The following SREBF2 variants were observed in gnomAD, a reference collection of about 807,000 sequenced individuals.
The protein encoded by SREBF2 is sterol regulatory element binding transcription factor 2, also known as sterol regulatory element-binding protein 2.
A neutral mutation model predicts 113.1 loss-of-function variants in SREBF2; 55 were observed. The observed-to-expected ratio is 0.49, with a 90% CI of 0.39 to 0.61. The LOEUF (loss-of-function observed/expected upper bound fraction) is 0.61. SREBF2 is among the 20% of genes least tolerant of loss of function. SREBF2 has a pLI of 0.00. For missense variants in SREBF2, 1,349 were observed against 1,487.4 expected, an observed-to-expected ratio of 0.91 and a Z score of 1.53; for synonymous variants, 593 against 605.7, an observed-to-expected ratio of 0.98 and a Z score of 0.31.
chr22:41,858,003 G>A (rs1275812467), intron 1 of SREBF2, among the ~76,000 whole-genome samples: 2 of 152,016 alleles, frequency 1.3e-5, no homozygotes, highest in Admixed American at 1.3e-4. Context: ...ATGGAGAAAT[G>A]GTTATCTCAT....
rs541480401 is a variant in SREBF2, at chr22:41,893,777, G to T, written c.2377+492G>T. ...GACGAGGCTTCAGGCATTGGAAGGA[G>T]GTGCTGGCTTTCTGTCCCTGGCATT... On this transcript the variant is annotated intron_variant, in intron 12 of 18. Coordinates refer to ENST00000361204, the MANE Select transcript of SREBF2 (RefSeq NM_004599.4). Among the ~76,000 whole-genome samples the T allele has an allele frequency of 2.6e-5, 4 of 152,294 alleles. No individual in the cohort carries two copies. In the East Asian group the frequency reaches 7.7e-4, roughly 29 times the overall value.
intron 1 of SREBF2, among the ~76,000 whole-genome samples, chr22:41,839,896 G>A (rs984924504): frequency 1.2e-4 from 17 of 145,716 alleles, no homozygotes; most frequent in Non-Finnish European, 1.7e-4. Context: ...TACATTTTTT[G>A]TTGTTTATGT....
chr22:41,890,445 G>A lies in SREBF2; in HGVS notation c.2209-2672G>A, dbSNP rs182071160. Reference sequence around the variant, plus strand: ...TGCTGTGGCACCTCAGACTGCCTTGGCACACGATTTGAGAGCCATGGGGTT... The same window carrying A: ...TGCTGTGGCACCTCAGACTGCCTTGACACACGATTTGAGAGCCATGGGGTT... On this transcript the variant is annotated intron_variant, in intron 11 of 18. Coordinates refer to ENST00000361204, the MANE Select transcript of SREBF2 (RefSeq NM_004599.4). Among the ~76,000 whole-genome samples, 347 of 152,310 alleles carry A rather than the reference G, an allele frequency of 2.3e-3. 1 individual carries two copies. The highest frequency in any genetic ancestry group is 7.8e-3 in the African/African-American group (324 of 41,566).
chr22:41,904,633 C>T, intron 17 of SREBF2: 1 of 695,432 alleles, frequency 1.4e-6, no homozygotes, highest in Non-Finnish European at 2.7e-6. Context: ...AAAAGCAGGC[C>T]TTTTGCCTCT....
At chr22:41,852,851 G>A (rs985282842) in intron 1 of SREBF2, among the ~76,000 whole-genome samples, 2 of 147,476 alleles carry the variant, frequency 1.4e-5, no homozygotes, top group South Asian at 2.1e-4. Flanking sequence ...CACCTCCTGG[G>A]TTCAGGTGAT....
rs530009066 is a variant in SREBF2 at position 41,874,992 on chromosome 22, C to A, written c.1090-345C>A. 1.4e-4 allele frequency among the ~76,000 whole-genome samples: 22 copies of A among 151,874 alleles called. No individual in the cohort carries two copies. The South Asian group carries it at 4.6e-3, about 32-fold the overall frequency. On this transcript the variant is annotated intron_variant, in intron 5 of 18. Transcript: ENST00000361204. ...GTTTTCGTTAAAGTTTGTTATGGTG[C>A]TAGGATTATTATAAGAAGTGGGAAC...
At chr22:41,856,975 G>A (rs989202551) in intron 1 of SREBF2, among the ~76,000 whole-genome samples, 7 of 151,558 alleles carry the variant, frequency 4.6e-5, no homozygotes, top group Non-Finnish European at 8.8e-5. Context: ...GCTGAGACAG[G>A]AGAGTTGCTT....
At chr22:41,894,717 C>G (rs2077396643) in intron 12 of SREBF2, 103 bp from the exon 13 acceptor site, 2 of 961,784 alleles carry the variant, frequency 2.1e-6, no homozygotes, top group East Asian at 4.8e-5. Context: ...GGCATCTGAT[C>G]CCCATTCACA....
In SREBF2 at chr22:41,880,916, C is replaced by T; in HGVS notation, c.1962C>T (p.Gly654=). 5 of 1,613,638 alleles carry T rather than the reference C, an allele frequency of 3.1e-6. No individual in the cohort carries two copies. The highest frequency in any genetic ancestry group is 4.2e-6 in the Non-Finnish European group (5 of 1,180,042). ...CRRATPATEA[G]FEDEAKTSAR... is the part of the protein sequence containing the mutation. Reference sequence around the variant, plus strand: ...GGGCCACGCCAGCCACTGAGGCAGGCTTTGAAGACGAAGCTAAGACCAGCG... The same window carrying T: ...GGGCCACGCCAGCCACTGAGGCAGGTTTTGAAGACGAAGCTAAGACCAGCG... Residue 654 remains glycine, a synonymous_variant, in exon 10 of 19, where the codon GGC becomes GGT. Transcript: ENST00000361204.
intron 9 of SREBF2, among the ~76,000 whole-genome samples, chr22:41,879,921 T>G (rs2077229543): frequency 1.3e-5 from 2 of 152,308 alleles, no homozygotes; most frequent in African/African-American, 4.8e-5. Context: ...ACCATGGTTC[T>G]CAAACTTCAG....
At chr22:41,850,175 C>T (rs987294218) in intron 1 of SREBF2, among the ~76,000 whole-genome samples, 1 of 151,118 alleles carries the variant, frequency 6.6e-6, no homozygotes, top group African/African-American at 2.4e-5. Context: ...TGGGGCTGGG[C>T]GCCGTGGCTT....
chr22:41,839,985 A>C (rs1244563006), intron 1 of SREBF2, among the ~76,000 whole-genome samples: 1 of 114,464 alleles, frequency 8.7e-6, no homozygotes, highest in Non-Finnish European at 1.7e-5. Flanking sequence ...TTTGAGACGG[A>C]GTCTCACTCT....
chr22:41,869,790 A>G (rs2077122637), intron 3 of SREBF2, among the ~76,000 whole-genome samples: 1 of 151,530 alleles, frequency 6.6e-6, no homozygotes, highest in Non-Finnish European at 1.5e-5. Flanking sequence ...CAGCTGGGGG[A>G]CGTGTATTAT....
At chr22:41,860,038 C>T (rs2077012247) in intron 1 of SREBF2, among the ~76,000 whole-genome samples, 1 of 151,618 alleles carries the variant, frequency 6.6e-6, no homozygotes, top group African/African-American at 2.4e-5. Flanking sequence ...ATCTCCTGAC[C>T]TCATGATCCG....
At chr22:41,901,106 GCCCAA>G (rs2077462248) in intron 16 of SREBF2, 2 of 399,412 alleles carry the variant, frequency 5.0e-6, no homozygotes, top group African/African-American at 4.2e-5. Flanking sequence ...CACTGTTGGG[GCCCAA>G]GTCACAGCCA....
chr22:41,899,692 TC>T (rs1175398530), intron 15 of SREBF2: 2 of 587,488 alleles, frequency 3.4e-6, no homozygotes, highest in Admixed American at 5.4e-5. Context: ...TATGTGTGTC[TC>T]CCCCAGTCGA....
intron 1 of SREBF2, among the ~76,000 whole-genome samples, chr22:41,856,226 A>G (rs2076976461): frequency 2.6e-5 from 4 of 152,040 alleles, no homozygotes; most frequent in Non-Finnish European, 4.4e-5. Context: ...TCCCAGGCTT[A>G]AGCAATCCTC....
intron 1 of SREBF2, among the ~76,000 whole-genome samples, chr22:41,840,982 T>C (rs1278495386): frequency 6.6e-6 from 1 of 152,204 alleles, no homozygotes; most frequent in Non-Finnish European, 1.5e-5. Context: ...GTTTCATCTT[T>C]GGCAGAGTAT....
rs1334231600 is a variant in SREBF2, at chr22:41,905,725, C to T, written c.*65C>T. The T allele has an allele frequency of 4.0e-6, 6 of 1,485,594 alleles. No individual in the cohort carries two copies. In the Admixed American group the frequency reaches 1.2e-4, roughly 29 times the overall value. The allele number at this position is 1,485,594 out of a possible 1,614,324, so 92.0% of individuals were successfully genotyped here. A position where few individuals can be genotyped will look rare whatever the true frequency, so the allele number is the denominator to read the frequency against. ...TCTCTCTCTCCCCCTCAGCATCTTC[C>T]CGCTGAGAGTGGTGGGGAAGAGCCT... On this transcript the variant is annotated 3_prime_UTR_variant, in exon 19 of 19. Coordinates refer to ENST00000361204, the MANE Select transcript of SREBF2 (RefSeq NM_004599.4).
Sources: allele counts gnomAD v4.1 joint callset (sites outside exome capture counted in the v4.1 genomes callset), GRCh38; gene constraint gnomAD v4.1.1; transcripts MANE v1.5; gene names NCBI Gene and HGNC (gene_info 2026-07-23, HGNC 2026-07-21).